PPM1L: variants seen among roughly 807,000 people sequenced by gnomAD.
PPM1L encodes the protein protein phosphatase 1L.
In PPM1L, 13 loss-of-function variants were observed where a neutral mutation model predicts 31.4. That is an observed-to-expected ratio of 0.41 (90% CI 0.27 to 0.66). The LOEUF (loss-of-function observed/expected upper bound fraction) is 0.66, where lower values mean the gene tolerates loss of function less well. PPM1L is among the 30% of genes least tolerant of loss of function. PPM1L has a pLI of 0.29. For synonymous variants in PPM1L, 184 were observed against 175.4 expected (o/e 1.05, Z -0.39); for missense variants, 326 against 453.7 (o/e 0.72, Z 2.56).
intron 2 of PPM1L, among the ~76,000 whole-genome samples, chr3:160,970,127 C>T (rs1199442849): frequency 2.0e-5 from 3 of 152,140 alleles, no homozygotes; most frequent in Non-Finnish European, 4.4e-5. Flanking sequence ...CACAGTTATT[C>T]TCACAACCTT....
At chr3:160,820,452 G>C (rs73875404) in intron 1 of PPM1L, among the ~76,000 whole-genome samples, 4 of 152,010 alleles carry the variant, frequency 2.6e-5, no homozygotes, top group Admixed American at 2.0e-4. Context: ...AGCATAAAAA[G>C]TTAAGTATAT....
At chr3:160,850,916 A>G (rs6790257) in intron 1 of PPM1L, among the ~76,000 whole-genome samples, 6,118 of 139,774 alleles carry the variant, frequency 0.044, 424 homozygotes, top group African/African-American at 0.15. Flanking sequence ...TTTCTCTCTT[A>G]CAGTTTTTTG....
chr3:161,019,263 A>G (rs1718172238), intron 2 of PPM1L, among the ~76,000 whole-genome samples: 1 of 143,886 alleles, frequency 6.9e-6, no homozygotes, highest in South Asian at 2.1e-4. Context: ...GCATAATCAT[A>G]GCTCATTGCA....
At chr3:161,062,719 A>T (rs929357656) in intron 2 of PPM1L, among the ~76,000 whole-genome samples, 2 of 152,194 alleles carry the variant, frequency 1.3e-5, no homozygotes, top group Non-Finnish European at 2.9e-5. Flanking sequence ...GTGGCAGCTG[A>T]CTTGTTAGCT....
intron 2 of PPM1L, among the ~76,000 whole-genome samples, chr3:161,046,849 T>C (rs2108094484): frequency 6.6e-6 from 1 of 152,254 alleles, no homozygotes; most frequent in Non-Finnish European, 1.5e-5. Context: ...CACATGATTA[T>C]CTCAATGGAT....
At chr3:160,878,643 T>C (rs573965149) in intron 1 of PPM1L, among the ~76,000 whole-genome samples, 37 of 152,324 alleles carry the variant, frequency 2.4e-4, no homozygotes, top group African/African-American at 6.7e-4. Flanking sequence ...ATATGAATTT[T>C]GGGGCGACAC....
At chr3:161,042,072 C>T (rs911100201) in intron 2 of PPM1L, among the ~76,000 whole-genome samples, 1 of 152,202 alleles carries the variant, frequency 6.6e-6, no homozygotes, top group Non-Finnish European at 1.5e-5. Context: ...TTCCTCCCCA[C>T]CACCCTTGGC....
chr3:160,908,417 GTTGT>G (rs1365373682), intron 1 of PPM1L, among the ~76,000 whole-genome samples: 4 of 152,174 alleles, frequency 2.6e-5, no homozygotes, highest in Non-Finnish European at 5.9e-5. Context: ...TTGCTGGATA[GTTGT>G]TTATCAGTTT....
intron 1 of PPM1L, among the ~76,000 whole-genome samples, chr3:160,762,704 T>A (rs1283690528): frequency 6.6e-6 from 1 of 152,102 alleles, no homozygotes; most frequent in Non-Finnish European, 1.5e-5. Flanking sequence ...AGACAGCGAT[T>A]GGGTGGAGAA....
chr3:161,007,728 G>T (rs562102581), intron 2 of PPM1L, among the ~76,000 whole-genome samples: 11 of 152,004 alleles, frequency 7.2e-5, no homozygotes, highest in Non-Finnish European at 1.2e-4. Flanking sequence ...TTCCTGTGTG[G>T]CCCAGGGAAG....
At chr3:160,945,172 G>A (rs1389628711) in intron 1 of PPM1L, among the ~76,000 whole-genome samples, 5 of 141,528 alleles carry the variant, frequency 3.5e-5, no homozygotes, top group Admixed American at 2.2e-4. Context: ...TTTTGTTTTA[G>A]TTTGGCCATC....
intron 1 of PPM1L, among the ~76,000 whole-genome samples, chr3:160,769,586 G>A (rs780361233): frequency 2.0e-5 from 3 of 151,762 alleles, no homozygotes; most frequent in Non-Finnish European, 4.4e-5. Context: ...GATCAGGAGG[G>A]GTCTGAGTGT....
chr3:161,044,955 A>T (rs1469716996), intron 2 of PPM1L, among the ~76,000 whole-genome samples: 2 of 152,240 alleles, frequency 1.3e-5, no homozygotes, highest in Non-Finnish European at 2.9e-5. Flanking sequence ...AAACAAAAAA[A>T]GGCAGGAGTT....
chr3:160,818,235 A>G (rs1713054144), intron 1 of PPM1L, among the ~76,000 whole-genome samples: 1 of 152,056 alleles, frequency 6.6e-6, no homozygotes, highest in Admixed American at 6.6e-5. Context: ...GTTATGAAGC[A>G]CAGACCAAAC....
intron 2 of PPM1L, among the ~76,000 whole-genome samples, chr3:161,034,758 G>A (rs889636078): frequency 1.3e-5 from 2 of 151,832 alleles, no homozygotes; most frequent in Non-Finnish European, 1.5e-5. Context: ...TGTAGATGAC[G>A]GGTTGATGGG....
At chr3:160,921,054 C>A (rs1289358548) in intron 1 of PPM1L, among the ~76,000 whole-genome samples, 1 of 152,134 alleles carries the variant, frequency 6.6e-6, no homozygotes, top group African/African-American at 2.4e-5. Context: ...CCAGATTTCA[C>A]CAGTCAAAAC....
At chr3:160,834,212 A>G (rs1576660589) in intron 1 of PPM1L, among the ~76,000 whole-genome samples, 2 of 151,734 alleles carry the variant, frequency 1.3e-5, no homozygotes, top group Admixed American at 1.3e-4. Flanking sequence ...TTTAGTAGAG[A>G]TGGGGTTTCA....
At chr3:160,811,111 T>C (rs762029781) in intron 1 of PPM1L, among the ~76,000 whole-genome samples, 9 of 152,226 alleles carry the variant, frequency 5.9e-5, no homozygotes, top group Non-Finnish European at 1.3e-4. Context: ...TAAGCTGGAA[T>C]ATGCAAAGGC....
intron 2 of PPM1L, among the ~76,000 whole-genome samples, chr3:161,009,678 G>A (rs1461294812): frequency 6.6e-6 from 1 of 152,086 alleles, no homozygotes; most frequent in Non-Finnish European, 1.5e-5. Flanking sequence ...AGAAAAGGTG[G>A]TAAGATAGTA....
Sources: gnomAD v4.1 joint callset for allele counts (sites outside exome capture counted in the v4.1 genomes callset) on GRCh38, gnomAD v4.1.1 for gene constraint, MANE v1.5 for transcripts, NCBI Gene and HGNC (gene_info 2026-07-23, HGNC 2026-07-21) for gene names.